Variants in MIPOL1 observed in about 807,000 individuals in gnomAD.
MIPOL1 encodes mirror-image polydactyly 1.
In MIPOL1, 57 loss-of-function variants were observed where a neutral mutation model predicts 60.9. That is an observed-to-expected ratio of 0.94 (90% confidence interval 0.76 to 1.17). The LOEUF (loss-of-function observed/expected upper bound fraction) is 1.17. Among genes scored for constraint, MIPOL1 ranks in the 50% most tolerant of loss-of-function variants. The pLI is 0.00. For missense variants in MIPOL1, 551 were observed against 511.6 expected (o/e 1.08, Z -0.74); for synonymous variants, 179 against 168.8 (o/e 1.06, Z -0.47).
chr14:37,272,288 A>C (rs2083355970), intron 6 of MIPOL1, among the ~76,000 whole-genome samples: 1 of 151,612 alleles, frequency 6.6e-6, no homozygotes, highest in Non-Finnish European at 1.5e-5. Flanking sequence ...TTAAGGGATA[A>C]ATTTTCAAAG....
At chr14:37,316,976 TAAACAAACAAAC>T (rs530262345) in intron 9 of MIPOL1, among the ~76,000 whole-genome samples, 1 of 151,956 alleles carries the variant, frequency 6.6e-6, no homozygotes, top group South Asian at 2.1e-4. Context: ...AGACTCCATC[TAAACAAACAAAC>T]AAACAAACAA....
intron 11 of MIPOL1, among the ~76,000 whole-genome samples, chr14:37,490,688 C>T (rs2095035174): frequency 6.6e-6 from 1 of 152,104 alleles, no homozygotes; most frequent in Non-Finnish European, 1.5e-5. Flanking sequence ...TCACAGCTTC[C>T]CTTGGGTAGG....
intron 12 of MIPOL1, among the ~76,000 whole-genome samples, chr14:37,516,449 A>G (rs1373847410): frequency 1.3e-5 from 2 of 152,240 alleles, no homozygotes; most frequent in South Asian, 2.1e-4. Flanking sequence ...TGTTAATGTC[A>G]TTCTTTAATA....
chr14:37,337,265 G>T (rs1485885788), intron 9 of MIPOL1, among the ~76,000 whole-genome samples: 1 of 138,046 alleles, frequency 7.2e-6, no homozygotes, highest in East Asian at 2.2e-4. Flanking sequence ...ATCTTGATGT[G>T]CATTTCCCTA....
At chr14:37,426,199 G>A (rs2093957036) in intron 11 of MIPOL1, among the ~76,000 whole-genome samples, 1 of 151,908 alleles carries the variant, frequency 6.6e-6, no homozygotes, top group African/African-American at 2.4e-5. Context: ...CAAAAAGCTG[G>A]CCAAATTGTG....
chr14:37,213,487 C>G (rs1219829796), intron 1 of MIPOL1, among the ~76,000 whole-genome samples: 2 of 151,950 alleles, frequency 1.3e-5, no homozygotes, highest in Non-Finnish European at 2.9e-5. Context: ...AGTTAGTGAT[C>G]TTGAAGACAG....
chr14:37,439,104 A>G (rs1396042665), intron 11 of MIPOL1, among the ~76,000 whole-genome samples: 1 of 152,234 alleles, frequency 6.6e-6, no homozygotes, highest in East Asian at 1.9e-4. Context: ...CTTCAAATAG[A>G]TTATAATTAA....
At chr14:37,389,759 A>G (rs75161547) in intron 10 of MIPOL1, among the ~76,000 whole-genome samples, 1 of 151,450 alleles carries the variant, frequency 6.6e-6, no homozygotes, top group African/African-American at 2.4e-5. Context: ...GTATTTAAAG[A>G]AAAACAACAG....
chr14:37,286,179 GT>G (rs1422607130), intron 7 of MIPOL1, among the ~76,000 whole-genome samples: 1 of 151,946 alleles, frequency 6.6e-6, no homozygotes, highest in Non-Finnish European at 1.5e-5. Context: ...TTTTAGCTTT[GT>G]TTTTTAAATG....
intron 10 of MIPOL1, among the ~76,000 whole-genome samples, chr14:37,380,537 G>A (rs10483490): frequency 0.17 from 25,816 of 152,048 alleles, 4,206 homozygotes; most frequent in African/African-American, 0.41. Flanking sequence ...AGATGCAGAT[G>A]AAACAACTGT....
intron 6 of MIPOL1, among the ~76,000 whole-genome samples, chr14:37,272,983 T>C (rs1277244412): frequency 1.3e-5 from 2 of 151,348 alleles, no homozygotes; most frequent in Non-Finnish European, 3.0e-5. Context: ...GTAGGCATTT[T>C]CTTAGAGTAT....
chr14:37,447,693 A>T (rs990410863), intron 11 of MIPOL1, among the ~76,000 whole-genome samples: 12 of 152,160 alleles, frequency 7.9e-5, no homozygotes, highest in African/African-American at 2.7e-4. Context: ...ATGTGACTGG[A>T]GGTAATTCAG....
rs575098507 is a variant in MIPOL1, at chr14:37,308,215, C to A, written c.657+126C>A. The A allele has an allele frequency of 4.2e-6, 5 of 1,189,292 alleles. No homozygotes were observed. The Admixed American group carries it at 7.6e-5, about 18-fold the overall frequency. 73.7% of individuals were successfully genotyped at this position (1,189,292 alleles called of 1,614,324 possible). ...GAATTGACACACTAATAATGTACAT[C>A]TTTGCTGCAATATGAAAATTCAATA... On this transcript the variant is annotated intron_variant, in intron 8 of 12. Coordinates refer to ENST00000684589, the MANE Select transcript of MIPOL1 (RefSeq NM_001388067.1).
chr14:37,238,817 G>A, intron 1 of MIPOL1, among the ~76,000 whole-genome samples: 1 of 151,396 alleles, frequency 6.6e-6, no homozygotes. Context: ...AGATGGGTGT[G>A]ACGGCTCATA....
At chr14:37,201,016 C>G (rs2139085548) in intron 1 of MIPOL1, among the ~76,000 whole-genome samples, 1 of 151,090 alleles carries the variant, frequency 6.6e-6, no homozygotes. Flanking sequence ...GATCCTCTCA[C>G]CTCGGCTTCC....
At chr14:37,323,457 G>A (rs184509308) in intron 9 of MIPOL1, among the ~76,000 whole-genome samples, 79 of 151,978 alleles carry the variant, frequency 5.2e-4, no homozygotes, top group Non-Finnish European at 1.0e-3. Context: ...TTGGCTATAC[G>A]GGCTTTTTTT....
chr14:37,541,210 A>T (rs955456722), intron 12 of MIPOL1, among the ~76,000 whole-genome samples: 1 of 152,170 alleles, frequency 6.6e-6, no homozygotes, highest in Non-Finnish European at 1.5e-5. Context: ...TCACAGTCTT[A>T]TTCCAGCTCT....
At chr14:37,249,248 G>A (rs973930872) in intron 3 of MIPOL1, among the ~76,000 whole-genome samples, 1 of 152,042 alleles carries the variant, frequency 6.6e-6, no homozygotes, top group East Asian at 1.9e-4. Context: ...AAAACACTGT[G>A]TGCATCTCTT....
intron 11 of MIPOL1, among the ~76,000 whole-genome samples, chr14:37,495,086 CATTG>C (rs1237122459): frequency 6.8e-6 from 1 of 146,720 alleles, no homozygotes; most frequent in African/African-American, 2.5e-5. Context: ...AAAACTTAAT[CATTG>C]ATTCTTTTTT....
Sources: gnomAD v4.1 joint callset for allele counts (sites outside exome capture counted in the v4.1 genomes callset) on GRCh38, gnomAD v4.1.1 for gene constraint, MANE v1.5 for transcripts, NCBI Gene and HGNC (gene_info 2026-07-23, HGNC 2026-07-21) for gene names.